Variants in CSMD3 observed in about 807,000 individuals in gnomAD.
CSMD3 encodes the protein CUB and sushi domain-containing protein 3.
A neutral mutation model predicts 435.2 loss-of-function variants in CSMD3; 177 were observed. The ratio of observed to expected loss-of-function variants is 0.41; its 90% confidence interval spans 0.36 to 0.46. The LOEUF is 0.46. CSMD3 is among the 20% of genes least tolerant of loss of function. The pLI is 0.34. For missense variants in CSMD3, 4,265 were observed against 4,504.6 expected, an observed-to-expected ratio of 0.95 and a Z score of 1.52; for synonymous variants, 1,656 against 1,520.5, an observed-to-expected ratio of 1.09 and a Z score of -2.07.
chr8:113,274,368 T>A (rs566831078), intron 3 of CSMD3, among the ~76,000 whole-genome samples: 1 of 152,212 alleles, frequency 6.6e-6, no homozygotes, highest in African/African-American at 2.4e-5. Context: ...CTGGATAATT[T>A]AGCAACACTA....
At chr8:113,210,525 T>C (rs1276484403) in intron 3 of CSMD3, among the ~76,000 whole-genome samples, 1 of 152,066 alleles carries the variant, frequency 6.6e-6, no homozygotes, top group Non-Finnish European at 1.5e-5. Flanking sequence ...AATCAAATTA[T>C]CATTAGATTC....
chr8:113,241,604 G>GA (rs34590401), intron 3 of CSMD3, among the ~76,000 whole-genome samples: 26,527 of 141,328 alleles, frequency 0.19, 2,767 homozygotes, highest in Non-Finnish European at 0.25. Context: ...ATTTTTTGCT[G>GA]AAAAAAAAAA....
intron 13 of CSMD3, among the ~76,000 whole-genome samples, chr8:112,742,487 C>A (rs189150991): frequency 6.6e-6 from 1 of 151,658 alleles, no homozygotes; most frequent in Admixed American, 6.6e-5. Context: ...CATGAGAGTG[C>A]GATCTGTACA....
At chr8:112,260,813 G>A (rs1266894350) in intron 61 of CSMD3, among the ~76,000 whole-genome samples, 4 of 152,232 alleles carry the variant, frequency 2.6e-5, no homozygotes, top group Middle Eastern at 6.8e-3. Flanking sequence ...AGGTAGAAGG[G>A]TGGGAGGAGT....
intron 32 of CSMD3, among the ~76,000 whole-genome samples, chr8:112,440,816 A>G (rs1429953785): frequency 6.6e-6 from 1 of 152,150 alleles, no homozygotes; most frequent in Non-Finnish European, 1.5e-5. Flanking sequence ...AGCAGCTGGG[A>G]TGCAGGTCAT....
intron 9 of CSMD3, among the ~76,000 whole-genome samples, chr8:112,927,996 A>G (rs1016565447): frequency 3.9e-5 from 6 of 152,056 alleles, no homozygotes; most frequent in Admixed American, 3.9e-4. Context: ...TTTGTGTACA[A>G]TTTCAAGTAT....
chr8:112,293,204 T>C (rs1563748822), intron 54 of CSMD3, among the ~76,000 whole-genome samples: 1 of 152,028 alleles, frequency 6.6e-6, no homozygotes, highest in Non-Finnish European at 1.5e-5. Flanking sequence ...GTAGTGAGCA[T>C]GATCATAGCT....
At chr8:112,814,281 T>C (rs2079310015) in intron 12 of CSMD3, among the ~76,000 whole-genome samples, 1 of 152,206 alleles carries the variant, frequency 6.6e-6, no homozygotes, top group Non-Finnish European at 1.5e-5. Flanking sequence ...CTTTTTGGAA[T>C]TTAAATGATC....
At chr8:113,065,896 G>A (rs1442170979) in intron 5 of CSMD3, among the ~76,000 whole-genome samples, 1 of 151,876 alleles carries the variant, frequency 6.6e-6, no homozygotes, top group Non-Finnish European at 1.5e-5. Flanking sequence ...TAATGAAGGT[G>A]TATGTTCTAC....
intron 3 of CSMD3, among the ~76,000 whole-genome samples, chr8:113,269,400 A>C (rs996126865): frequency 6.6e-6 from 1 of 152,154 alleles, no homozygotes; most frequent in Admixed American, 6.6e-5. Flanking sequence ...TAATTTATAG[A>C]TTCAGCGCCA....
intron 11 of CSMD3, among the ~76,000 whole-genome samples, chr8:112,844,847 G>T: frequency 6.6e-6 from 1 of 151,790 alleles, no homozygotes; most frequent in South Asian, 2.1e-4. Flanking sequence ...CCCCTATGCC[G>T]GCCCCAGAAA....
chr8:113,132,696 T>C (rs2091314333), intron 4 of CSMD3, among the ~76,000 whole-genome samples: 1 of 152,072 alleles, frequency 6.6e-6, no homozygotes, highest in African/African-American at 2.4e-5. Flanking sequence ...ATACAGAAGC[T>C]TTCCCAAAGA....
intron 64 of CSMD3, 22 bp from the exon 65 acceptor site, chr8:112,244,595 A>G: frequency 6.2e-7 from 1 of 1,608,544 alleles, no homozygotes; most frequent in South Asian, 1.1e-5. Flanking sequence ...AAAGAGAACA[A>G]TGTAAATTTT....
intron 59 of CSMD3, among the ~76,000 whole-genome samples, chr8:112,270,805 C>T (rs1817465135): frequency 6.6e-6 from 1 of 151,890 alleles, no homozygotes; most frequent in Admixed American, 6.6e-5. Context: ...ACTAAGTGCC[C>T]AAAGATAACT....
At chr8:113,168,747 T>C (rs1030684789) in intron 4 of CSMD3, among the ~76,000 whole-genome samples, 5 of 152,116 alleles carry the variant, frequency 3.3e-5, no homozygotes, top group African/African-American at 7.2e-5. Flanking sequence ...TGTTTCAATA[T>C]AGTACTTTTC....
intron 4 of CSMD3, among the ~76,000 whole-genome samples, chr8:113,142,043 T>C (rs528872071): frequency 6.0e-4 from 90 of 151,236 alleles, no homozygotes; most frequent in African/African-American, 2.0e-3. Flanking sequence ...TAGGTTGAAA[T>C]ACTTAGGTGT....
intron 3 of CSMD3, among the ~76,000 whole-genome samples, chr8:113,180,303 T>C (rs1281070467): frequency 6.6e-6 from 1 of 152,022 alleles, no homozygotes; most frequent in Non-Finnish European, 1.5e-5. Context: ...TACAAAATGT[T>C]CTTTATTACA....
At chr8:112,464,584 A>T (rs1817772469) in intron 32 of CSMD3, among the ~76,000 whole-genome samples, 1 of 152,186 alleles carries the variant, frequency 6.6e-6, no homozygotes, top group Admixed American at 6.5e-5. Context: ...AATAAACTAC[A>T]TACAGGTTGA....
chr8:113,096,045 T>A (rs1196372214), intron 5 of CSMD3, among the ~76,000 whole-genome samples: 1 of 152,168 alleles, frequency 6.6e-6, no homozygotes, highest in Non-Finnish European at 1.5e-5. Flanking sequence ...TTCCTTTTTT[T>A]AAATTTAATA....
Sources: gnomAD v4.1 joint callset for allele counts (sites outside exome capture counted in the v4.1 genomes callset) on GRCh38, gnomAD v4.1.1 for gene constraint, MANE v1.5 for transcripts, NCBI Gene and HGNC (gene_info 2026-07-23, HGNC 2026-07-21) for gene names.